LYPLAL1: variants seen among roughly 807,000 people sequenced by gnomAD.
The protein encoded by LYPLAL1 is lysophospholipase-like protein 1.
LYPLAL1 carries 23 observed loss-of-function variants against 19.7 expected under a neutral mutation model. That is an observed-to-expected ratio of 1.17 (90% CI 0.84 to 1.65). The LOEUF is 1.65. Ranked by LOEUF, LYPLAL1 falls within the 40% of genes most tolerant of loss-of-function variation. The pLI is 0.00. For synonymous variants in LYPLAL1, 119 were observed against 96.3 expected, an observed-to-expected ratio of 1.24 and a Z score of -1.38; for missense variants, 355 against 279.4, an observed-to-expected ratio of 1.27 and a Z score of -1.93.
chr1:219,417,567 A>G, the LYPLAL1 span, among the ~76,000 whole-genome samples: 1 of 152,270 alleles, frequency 6.6e-6, no homozygotes, highest in Admixed American at 6.5e-5. Context: ...CTGATGCATT[A>G]TAAATAGTAT....
At chr1:219,404,041 G>A in the LYPLAL1 span, among the ~76,000 whole-genome samples, 15 of 152,068 alleles carry the variant, frequency 9.9e-5, no homozygotes, top group Non-Finnish European at 8.8e-5. Context: ...GCTGCCTTCT[G>A]GCTATGTCCT....
At chr1:219,380,519 T>C in the LYPLAL1 span, among the ~76,000 whole-genome samples, 5 of 152,256 alleles carry the variant, frequency 3.3e-5, no homozygotes, top group African/African-American at 4.8e-5. Flanking sequence ...GACACCAGCC[T>C]GGTGCTGGAT....
At chr1:219,306,801 CATAG>C in the LYPLAL1 span, among the ~76,000 whole-genome samples, 19 of 114,794 alleles carry the variant, frequency 1.7e-4, no homozygotes, top group Middle Eastern at 4.5e-3. Context: ...TAGACAGATG[CATAG>C]ATAGATATAG....
chr1:219,263,135 T>C, the LYPLAL1 span, among the ~76,000 whole-genome samples: 3 of 152,156 alleles, frequency 2.0e-5, no homozygotes, highest in Admixed American at 6.5e-5. Context: ...AGGAAAACCA[T>C]GCAGGTCAGA....
chr1:219,329,072 TC>T, the LYPLAL1 span, among the ~76,000 whole-genome samples: 102 of 151,444 alleles, frequency 6.7e-4, no homozygotes, highest in Middle Eastern at 3.4e-3. Flanking sequence ...CTCTTTTTTT[TC>T]TGTTCCTTCT....
chr1:219,439,304 C>A, the LYPLAL1 span, among the ~76,000 whole-genome samples: 6 of 152,210 alleles, frequency 3.9e-5, no homozygotes, highest in East Asian at 1.2e-3. Flanking sequence ...CTCTTGGTAA[C>A]CTCCCCCACT....
intron 3 of LYPLAL1, among the ~76,000 whole-genome samples, chr1:219,196,068 C>G (rs914455810): frequency 2.0e-5 from 3 of 152,004 alleles, no homozygotes; most frequent in Non-Finnish European, 4.4e-5. Context: ...TTTTCTTTAC[C>G]CAGTCTGTCA....
chr1:219,174,293 C>T, intron 1 of LYPLAL1: 1 of 1,248,680 alleles, frequency 8.0e-7, no homozygotes, highest in South Asian at 2.0e-5. Context: ...TTAAACAGAG[C>T]AAGTTAGTAA....
chr1:219,196,591 C>A (rs1207981202), intron 3 of LYPLAL1, among the ~76,000 whole-genome samples: 1 of 152,224 alleles, frequency 6.6e-6, no homozygotes, highest in South Asian at 2.1e-4. Flanking sequence ...CAGCTCAAGA[C>A]AAAGATGCTC....
the LYPLAL1 span, among the ~76,000 whole-genome samples, chr1:219,303,717 C>T: frequency 6.6e-6 from 1 of 152,176 alleles, no homozygotes; most frequent in African/African-American, 2.4e-5. Flanking sequence ...TTTGGTCTGG[C>T]TTATGTTCTT....
intron 3 of LYPLAL1, among the ~76,000 whole-genome samples, chr1:219,202,633 C>G (rs1302825581): frequency 6.6e-6 from 1 of 152,114 alleles, no homozygotes; most frequent in African/African-American, 2.4e-5. Context: ...TTTGAGATTC[C>G]AAACAATTTT....
chr1:219,279,165 A>C, the LYPLAL1 span, among the ~76,000 whole-genome samples: 3 of 152,082 alleles, frequency 2.0e-5, no homozygotes, highest in African/African-American at 4.8e-5. Context: ...AAGAGATAAC[A>C]CTTGTTGGGT....
the LYPLAL1 span, among the ~76,000 whole-genome samples, chr1:219,306,595 C>G: frequency 6.6e-6 from 1 of 152,026 alleles, no homozygotes; most frequent in South Asian, 2.1e-4. Context: ...TCCTGGGTCT[C>G]CAGCCTATTA....
the LYPLAL1 span, among the ~76,000 whole-genome samples, chr1:219,431,984 AGT>A: frequency 6.6e-6 from 1 of 152,266 alleles, no homozygotes; most frequent in African/African-American, 2.4e-5. Context: ...GTTTAAGTAC[AGT>A]GCCTGAAATA....
the LYPLAL1 span, among the ~76,000 whole-genome samples, chr1:219,352,511 C>T: frequency 6.6e-6 from 1 of 151,580 alleles, no homozygotes; most frequent in African/African-American, 2.4e-5. Flanking sequence ...GAGGAGACTC[C>T]GTCTCAAATA....
the LYPLAL1 span, among the ~76,000 whole-genome samples, chr1:219,278,291 T>A: frequency 6.6e-6 from 1 of 152,148 alleles, no homozygotes; most frequent in Non-Finnish European, 1.5e-5. Flanking sequence ...TGAGGACTCA[T>A]AATGTGTCCC....
chr1:219,219,804 C>T, the LYPLAL1 span, among the ~76,000 whole-genome samples: 5 of 152,062 alleles, frequency 3.3e-5, no homozygotes, highest in Admixed American at 6.6e-5. Flanking sequence ...TTTGCTATTT[C>T]CATAAACTTC....
At chr1:219,368,201 G>T in the LYPLAL1 span, among the ~76,000 whole-genome samples, 1 of 152,142 alleles carries the variant, frequency 6.6e-6, no homozygotes, top group Middle Eastern at 3.2e-3. Context: ...GGGGCTCAAG[G>T]ACAATACCAA....
At chr1:219,175,534 C>A (rs1655741573) in intron 1 of LYPLAL1, among the ~76,000 whole-genome samples, 1 of 152,148 alleles carries the variant, frequency 6.6e-6, no homozygotes, top group Admixed American at 6.5e-5. Context: ...AAATAATTAT[C>A]CTTTTTTTGA....
Sources: allele counts gnomAD v4.1 joint callset (sites outside exome capture counted in the v4.1 genomes callset), GRCh38; gene constraint gnomAD v4.1.1; transcripts MANE v1.5; gene names NCBI Gene and HGNC (gene_info 2026-07-23, HGNC 2026-07-21).